PDE1A: variants seen among roughly 807,000 people sequenced by gnomAD.
PDE1A encodes dual specificity calcium/calmodulin-dependent 3',5'-cyclic nucleotide phosphodiesterase 1A.
In PDE1A, 35 loss-of-function variants were observed where a neutral mutation model predicts 61.7. The observed-to-expected ratio is 0.57, with a 90% CI of 0.43 to 0.75. The LOEUF (loss-of-function observed/expected upper bound fraction) is 0.75. Among genes scored for constraint, PDE1A ranks in the 30% least tolerant of loss-of-function variants. The pLI, the probability that PDE1A is intolerant of heterozygous loss-of-function variation, is 0.00. For synonymous variants in PDE1A, 232 were observed against 213.2 expected, an observed-to-expected ratio of 1.09 and a Z score of -0.77; for missense variants, 597 against 630.6, an observed-to-expected ratio of 0.95 and a Z score of 0.57.
At chr2:182,685,478 G>A in the PDE1A span, among the ~76,000 whole-genome samples, 1 of 152,196 alleles carries the variant, frequency 6.6e-6, no homozygotes, top group East Asian at 1.9e-4. Flanking sequence ...ATACAAACTT[G>A]GAATTAAAAT....
intron 1 of PDE1A, among the ~76,000 whole-genome samples, chr2:182,350,489 T>C (rs1698808344): frequency 6.6e-6 from 1 of 152,192 alleles, no homozygotes; most frequent in South Asian, 2.1e-4. Flanking sequence ...AGGTCAGTTA[T>C]AGAATGTACA....
chr2:182,516,042 T>C (rs1690128655), intron 2 of PDE1A, among the ~76,000 whole-genome samples: 1 of 151,768 alleles, frequency 6.6e-6, no homozygotes, highest in Non-Finnish European at 1.5e-5. Flanking sequence ...TGTGTTCTTC[T>C]GGTATAGAAG....
chr2:182,175,366 G>A (rs1193317645), intron 13 of PDE1A, among the ~76,000 whole-genome samples: 3 of 151,940 alleles, frequency 2.0e-5, no homozygotes, highest in Non-Finnish European at 2.9e-5. Flanking sequence ...ACTTTTTAAT[G>A]ATTGCCATTC....
chr2:182,486,076 A>G (rs1472442956), intron 2 of PDE1A, among the ~76,000 whole-genome samples: 1 of 152,098 alleles, frequency 6.6e-6, no homozygotes, highest in Non-Finnish European at 1.5e-5. Context: ...TAAAAGGAAG[A>G]CAGACTAGAT....
At chr2:182,239,662 T>C (rs566919013) in intron 3 of PDE1A, among the ~76,000 whole-genome samples, 3 of 149,380 alleles carry the variant, frequency 2.0e-5, no homozygotes, top group South Asian at 2.1e-4. Context: ...TCCTCCATTA[T>C]GGAAAGAAGG....
At chr2:182,420,647 CA>C (rs765100503) in intron 1 of PDE1A, among the ~76,000 whole-genome samples, 4 of 152,190 alleles carry the variant, frequency 2.6e-5, no homozygotes, top group Non-Finnish European at 5.9e-5. Flanking sequence ...AAAAACTCTT[CA>C]AAAATAATAT....
At chr2:182,664,438 A>T in the PDE1A span, among the ~76,000 whole-genome samples, 1 of 152,212 alleles carries the variant, frequency 6.6e-6, no homozygotes, top group Non-Finnish European at 1.5e-5. Flanking sequence ...ACACAGAACC[A>T]CATGTACTAA....
At chr2:182,190,284 G>A (rs1685581605) in intron 10 of PDE1A, among the ~76,000 whole-genome samples, 1 of 152,188 alleles carries the variant, frequency 6.6e-6, no homozygotes, top group Non-Finnish European at 1.5e-5. Context: ...CAAGGAATAA[G>A]AATTTCTGTG....
intron 2 of PDE1A, among the ~76,000 whole-genome samples, chr2:182,445,227 A>C (rs1270268466): frequency 6.6e-6 from 1 of 152,144 alleles, no homozygotes; most frequent in African/African-American, 2.4e-5. Context: ...CCAAAAGACA[A>C]TGAGGAATTA....
chr2:182,477,723 C>T (rs1269834899), intron 2 of PDE1A, among the ~76,000 whole-genome samples: 2 of 151,842 alleles, frequency 1.3e-5, no homozygotes, highest in East Asian at 3.9e-4. Flanking sequence ...CTCCATTTTG[C>T]GAATAAGAAA....
intron 2 of PDE1A, among the ~76,000 whole-genome samples, chr2:182,246,732 T>G (rs947212672): frequency 1.3e-5 from 2 of 152,116 alleles, no homozygotes; most frequent in Non-Finnish European, 2.9e-5. Flanking sequence ...ATAATCTTCT[T>G]AGCACTGACC....
chr2:182,570,503 G>A, the PDE1A span, among the ~76,000 whole-genome samples: 1,523 of 152,224 alleles, frequency 0.01, 12 homozygotes, highest in Middle Eastern at 0.034. Context: ...TTTACAATGT[G>A]AGACAAAGTA....
At chr2:182,448,383 A>C (rs575730211) in intron 2 of PDE1A, among the ~76,000 whole-genome samples, 1 of 152,132 alleles carries the variant, frequency 6.6e-6, no homozygotes, top group East Asian at 1.9e-4. Flanking sequence ...GGTAGTTTAG[A>C]ATTACCTTTG....
At chr2:182,273,916 C>T (rs1429628416) in intron 1 of PDE1A, among the ~76,000 whole-genome samples, 1 of 152,010 alleles carries the variant, frequency 6.6e-6, no homozygotes, top group African/African-American at 2.4e-5. Flanking sequence ...AACAAAATAC[C>T]ATGTACTGGG....
intron 10 of PDE1A, among the ~76,000 whole-genome samples, chr2:182,191,470 G>A (rs1050173471): frequency 6.6e-6 from 1 of 152,116 alleles, no homozygotes; most frequent in African/African-American, 2.4e-5. Context: ...TGATATTAGA[G>A]ATGCTTATTT....
the PDE1A span, among the ~76,000 whole-genome samples, chr2:182,587,103 C>G: frequency 1.4e-4 from 22 of 152,218 alleles, no homozygotes; most frequent in South Asian, 1.5e-3. Context: ...CAGAGTGCTC[C>G]AGACAAAGAG....
intron 1 of PDE1A, among the ~76,000 whole-genome samples, chr2:182,356,714 A>G (rs1280472583): frequency 6.6e-6 from 1 of 152,184 alleles, no homozygotes; most frequent in Non-Finnish European, 1.5e-5. Context: ...AGCCTGAACG[A>G]TAGAGTGAGA....
At chr2:182,201,463 G>T in exon 10 of PDE1A, 2 of 1,613,652 alleles carry the variant, frequency 1.2e-6, no homozygotes, top group Non-Finnish European at 1.7e-6. Flanking sequence ...CCTCCATTAG[G>T]GCCATGGTCC....
intron 3 of PDE1A, among the ~76,000 whole-genome samples, chr2:182,235,516 A>G (rs1259319451): frequency 2.6e-5 from 4 of 152,202 alleles, no homozygotes. Context: ...AGCATAAACC[A>G]AATATAAGAA....
Sources: allele counts gnomAD v4.1 joint callset (sites outside exome capture counted in the v4.1 genomes callset), GRCh38; gene constraint gnomAD v4.1.1; transcripts MANE v1.5; gene names NCBI Gene and HGNC (gene_info 2026-07-23, HGNC 2026-07-21).